Variants in COPZ2 observed in about 807,000 individuals in gnomAD.
COPZ2 encodes the protein coat protein complex I subunit zeta 2, also known as coatomer subunit zeta-2.
In COPZ2, 30 loss-of-function variants were observed where a neutral mutation model predicts 33.2. The observed-to-expected ratio is 0.90, with a 90% CI of 0.68 to 1.23. COPZ2 has a LOEUF of 1.23. Among genes scored for constraint, COPZ2 ranks in the 50% most tolerant of loss-of-function variants. The pLI is 0.00. For synonymous variants in COPZ2, 89 were observed against 102.6 expected (o/e 0.87, Z 0.80); for missense variants, 263 against 262.4 (o/e 1.00, Z -0.02).
At chr17:48,044,861 C>T in the COPZ2 span, among the ~76,000 whole-genome samples, 5 of 152,318 alleles carry the variant, frequency 3.3e-5, no homozygotes, top group African/African-American at 1.2e-4. Context: ...AAGGAAATCT[C>T]AGGCAATCAT....
At position 48,037,739 on chromosome 17, in the gene COPZ2, C is replaced by T. The variant is rs2037013462; in HGVS notation, c.39G>A (p.Gly13=). The T allele has an allele frequency of 2.8e-6, 3 of 1,060,454 alleles. No individual in the cohort carries two copies. Among genetic ancestry groups the T allele is most frequent in the Non-Finnish European group, 3.4e-6 (3 of 880,938 alleles). 65.7% of individuals were successfully genotyped at this position (1,060,454 alleles called of 1,614,324 possible). The part of the protein sequence containing the change: ...RPEAWPRPHP[G]EGAAAAQAGG... The stretch of plus-strand genomic sequence containing the variant: ...CGGCCTGGGCCGCCGCGGCCCCCTC[C>T]CCCGGGTGCGGACGTGGCCAGGCCT... Residue 13 remains glycine (G), a synonymous_variant, in exon 1 of 9, where the codon GGG becomes GGA. Transcript: ENST00000621465. This position sits in a 1 kb window ranked among gnomAD's most constrained non-coding sequence, Gnocchi z 5.6.
At chr17:48,046,303 C>T in the COPZ2 span, 1 of 152,204 alleles carries the variant, frequency 6.6e-6, no homozygotes. Context: ...GCCTTTATAT[C>T]TCTCAATTTT....
In COPZ2 at chr17:48,029,128, A is replaced by G; in HGVS notation, c.543T>C (p.Phe181=). ...AGGTGTCCAGGAAGACTCTTACCCT[A>G]AAATTCACCTTCTGGATCACTTGCT... ...DPQQVIQKVN[F]RADDGGLTEQ... is the part of the protein sequence containing the mutation. Residue 181 remains phenylalanine (F), a synonymous_variant, in exon 7 of 9, where the codon TTT becomes TTC. Coordinates refer to ENST00000621465, the MANE Select transcript of COPZ2 (RefSeq NM_016429.4). 1 of 1,577,118 alleles carries G rather than the reference A, an allele frequency of 6.3e-7. No homozygotes were observed.
intron 3 of COPZ2, 89 bp from the exon 4 acceptor site, chr17:48,033,391 A>G: frequency 1.3e-6 from 1 of 762,696 alleles, no homozygotes; most frequent in South Asian, 1.5e-5. Flanking sequence ...TGACTCTCCT[A>G]TTTCCTTCTC....
At chr17:48,029,411 AAATCTTTGAAACTGGATAAG>A in intron 6 of COPZ2, 1 of 597,292 alleles carries the variant, frequency 1.7e-6, no homozygotes, top group Non-Finnish European at 3.0e-6. Flanking sequence ...TCCCTGGGCA[AAATCTTTGAAACTGGATAAG>A]AACAGTCTGG....
chr17:48,038,755 T>C (rs552341154), upstream of COPZ2, among the ~76,000 whole-genome samples: 23 of 152,346 alleles, frequency 1.5e-4, 1 homozygote, highest in South Asian at 1.7e-3. Context: ...AGCCCTCTTA[T>C]GTTGTGGACC....
At chr17:48,027,222 C>T (rs1438184748) in intron 8 of COPZ2, among the ~76,000 whole-genome samples, 2 of 152,228 alleles carry the variant, frequency 1.3e-5, no homozygotes, top group East Asian at 3.8e-4. Flanking sequence ...CATTTTATCC[C>T]CCATTGGCTA....
chr17:48,042,020 G>A (rs1377971178), upstream of COPZ2, among the ~76,000 whole-genome samples: 2 of 152,130 alleles, frequency 1.3e-5, no homozygotes, highest in Non-Finnish European at 2.9e-5. Flanking sequence ...GGGATGGGAA[G>A]GCACTGGAGA....
chr17:48,034,056 C>T (rs2036941770), intron 2 of COPZ2, 112 bp from the exon 3 acceptor site: 1 of 701,926 alleles, frequency 1.4e-6, no homozygotes. Context: ...TGCTTCCCTG[C>T]CCCATCTCTC....
upstream of COPZ2, among the ~76,000 whole-genome samples, chr17:48,042,990 A>G (rs2037075935): frequency 6.6e-6 from 1 of 152,254 alleles, no homozygotes; most frequent in African/African-American, 2.4e-5. Flanking sequence ...GTATTGGGAC[A>G]GTGTCTTCCA....
the COPZ2 span, chr17:48,046,916 T>C: frequency 2.6e-5 from 4 of 152,178 alleles, no homozygotes; most frequent in African/African-American, 9.7e-5. Flanking sequence ...GAGACACGCG[T>C]CAGTAGTCCC....
Position 48,029,156 on chromosome 17 carries a change from G to A in COPZ2, c.515C>T (p.Pro172Leu). The A allele has an allele frequency of 6.3e-7, 1 of 1,578,810 alleles. No individual in the cohort carries two copies. Among genetic ancestry groups the A allele is most frequent in the African/African-American group, 1.3e-5 (1 of 74,156 alleles). ...VDGGVILESD[P>L]QQVIQKVNFR... Reference sequence around the variant, plus strand: ...ATTCACCTTCTGGATCACTTGCTGGGGGTCACTCTCCAGAATCACACTACA... The same window carrying A: ...ATTCACCTTCTGGATCACTTGCTGGAGGTCACTCTCCAGAATCACACTACA... Residue 172 changes from proline to leucine, a missense_variant, in exon 7 of 9, where the codon CCC (proline) becomes CTC (leucine). Pro to Leu is a moderately conservative substitution (Grantham distance 98, BLOSUM62 -3). Coordinates refer to ENST00000621465, the MANE Select transcript of COPZ2 (RefSeq NM_016429.4).
At chr17:48,038,815 G>C (rs906523445), upstream of COPZ2, among the ~76,000 whole-genome samples, 5 of 152,184 alleles carry the variant, frequency 3.3e-5, no homozygotes, top group African/African-American at 1.2e-4. Context: ...CTCACTGAAT[G>C]CATCAAGTCT....
At chr17:48,041,426 AG>A (rs1380220893), upstream of COPZ2, among the ~76,000 whole-genome samples, 10 of 152,186 alleles carry the variant, frequency 6.6e-5, no homozygotes, top group African/African-American at 2.2e-4. Flanking sequence ...GTGGAATGTG[AG>A]GGGTAAGGGA....
intron 6 of COPZ2, among the ~76,000 whole-genome samples, chr17:48,031,401 G>A (rs1436064618): frequency 6.6e-5 from 10 of 150,488 alleles, no homozygotes; most frequent in Admixed American, 2.0e-4. Flanking sequence ...GCAGTGAGCC[G>A]AGATCACGCC....
Position 48,028,450 on chromosome 17 carries a change from A to G in COPZ2, c.585+22T>C. 6.2e-7 allele frequency: 1 copy of G among 1,606,124 alleles called. No individual in the cohort carries two copies. The highest frequency in any genetic ancestry group is 2.2e-5 in the East Asian group (1 of 44,642). On this transcript the variant is annotated intron_variant, in intron 8 of 8. Coordinates refer to ENST00000621465, the MANE Select transcript of COPZ2 (RefSeq NM_016429.4). This position sits in a 1 kb window ranked among gnomAD's most constrained non-coding sequence, Gnocchi z 4.5. Reference sequence around the variant, plus strand: ...TATCTCTCTAGACCATTTCTAGCCAAGGCAGATGCAGGGGGGCCTACCTGG... The same window carrying G: ...TATCTCTCTAGACCATTTCTAGCCAGGGCAGATGCAGGGGGGCCTACCTGG...
chr17:48,041,329 A>G (rs2037060495), upstream of COPZ2, among the ~76,000 whole-genome samples: 1 of 152,184 alleles, frequency 6.6e-6, no homozygotes, highest in Non-Finnish European at 1.5e-5. Flanking sequence ...TTTCTGTGCA[A>G]GATATAATAC....
chr17:48,044,871 T>C, the COPZ2 span, among the ~76,000 whole-genome samples: 1 of 152,248 alleles, frequency 6.6e-6, no homozygotes, highest in Non-Finnish European at 1.5e-5. Context: ...CAGGCAATCA[T>C]CTATCTAATC....
At chr17:48,046,854 T>C in the COPZ2 span, 1 of 152,236 alleles carries the variant, frequency 6.6e-6, no homozygotes, top group East Asian at 1.9e-4. Flanking sequence ...GTTATAACAG[T>C]TAACGCACAA....
Sources: allele counts gnomAD v4.1 joint callset (sites outside exome capture counted in the v4.1 genomes callset), GRCh38; gene constraint gnomAD v4.1.1; non-coding constraint Gnocchi (gnomAD v3.1); transcripts MANE v1.5; gene names NCBI Gene and HGNC (gene_info 2026-07-23, HGNC 2026-07-21).